Variants in OR7D4 observed in about 807,000 individuals in gnomAD.
OR7D4 encodes the protein olfactory receptor family 7 subfamily D member 4.
For synonymous variants in OR7D4, 154 were observed against 158.4 expected (o/e 0.97, Z 0.21); for missense variants, 319 against 377.1 (o/e 0.85, Z 1.27).
intron 1 of OR7D4, among the ~76,000 whole-genome samples, chr19:9,217,712 T>A (rs1424937442): frequency 1.3e-5 from 2 of 152,140 alleles, no homozygotes; most frequent in African/African-American, 4.8e-5. Flanking sequence ...CTAATTTTTT[T>A]ATTTTTAGTA....
At chr19:9,218,646 G>A (rs1437828962) in intron 1 of OR7D4, among the ~76,000 whole-genome samples, 1 of 151,730 alleles carries the variant, frequency 6.6e-6, no homozygotes, top group African/African-American at 2.4e-5. Flanking sequence ...TTTTTTTTGG[G>A]GGGGACATGG....
At position 9,214,433 on chromosome 19, in the gene OR7D4, G is replaced by T; in HGVS notation, c.405C>A (p.Ile135=). The change falls in exon 2 of 2, where the codon ATC becomes ATA. Residue 135 remains isoleucine, a synonymous_variant. Transcript: ENST00000641669. ...AICHPLHYTV[I]MNPCLCGLLV... ...GGAGGCCACAGAGGCAGGGGTTCAT[G>T]ATGACCGTGTAGTGCAGTGGGTGGC... 1 of 1,614,196 alleles carries T rather than the reference G, an allele frequency of 6.2e-7. No homozygotes were observed. Among genetic ancestry groups the T allele is most frequent in the Non-Finnish European group, 8.5e-7 (1 of 1,180,042 alleles).
At chr19:9,215,756 T>C (rs758603169) in intron 1 of OR7D4, among the ~76,000 whole-genome samples, 14 of 152,322 alleles carry the variant, frequency 9.2e-5, no homozygotes, top group Non-Finnish European at 1.5e-4. Context: ...TTTCCTTTTA[T>C]GATAATTACT....
rs2051182528 is a variant in OR7D4, at chr19:9,213,021, C to T, written c.*878G>A. 1 of 152,198 alleles carries T rather than the reference C, an allele frequency of 6.6e-6. No individual in the cohort carries two copies. Among genetic ancestry groups the T allele is most frequent in the East Asian group, 1.9e-4 (1 of 5,194 alleles). 9.4% of individuals were successfully genotyped at this position (152,198 alleles called of 1,614,324 possible). On this transcript the variant is annotated 3_prime_UTR_variant, in exon 2 of 2. Coordinates refer to ENST00000641669, the MANE Select transcript of OR7D4 (RefSeq NM_001005191.3). ...ACTCTACCTCCATCTCAGTCTCCTC[C>T]TTTGAGAAATGCAGTGAATGAGACA...
chr19:9,216,278 G>T (rs901079926), intron 1 of OR7D4, among the ~76,000 whole-genome samples: 5 of 152,234 alleles, frequency 3.3e-5, no homozygotes, highest in South Asian at 2.1e-4. Context: ...GGGTCTCCCT[G>T]GTTCATGTTC....
chr19:9,214,342 A>G lies in OR7D4; in HGVS notation c.496T>C (p.Leu166=), dbSNP rs116460228. Residue 166 remains leucine, a synonymous_variant, in exon 2 of 2, where the codon TTG becomes CTG. Transcript: ENST00000641669. The part of the protein sequence containing the change: ...SLVHILLMKR[L]TFSTGTEIPH... ...ATCTCAGTGCCTGTGGAGAAGGTCA[A>G]CCTCTTCATCAGTAGAATATGAACC... The G allele has an allele frequency of 2.6e-3, 4,249 of 1,614,004 alleles. 99 individuals are homozygous for G. The African/African-American group carries it at 0.047, about 18-fold the overall frequency.
At chr19:9,215,008 T>C in intron 1 of OR7D4, 158 bp from the exon 2 acceptor site, 1 of 589,028 alleles carries the variant, frequency 1.7e-6, no homozygotes, top group East Asian at 2.8e-5. Flanking sequence ...CTATTTTTAT[T>C]CTATTTGTGT....
chr19:9,214,544 G>A lies in OR7D4; in HGVS notation c.294C>T (p.Leu98=). The A allele has an allele frequency of 1.2e-6, 2 of 1,614,180 alleles. No individual in the cohort carries two copies. Among genetic ancestry groups the A allele is most frequent in the Non-Finnish European group, 1.7e-6 (2 of 1,180,026 alleles). Residue 98 remains leucine (L), a synonymous_variant, in exon 2 of 2, where the codon CTC becomes CTT. Transcript: ENST00000641669. ...ACATCATTAAAAAATACACCTGAGT[G>A]AGGCACCCCATGTAGGAGATGTCTT... is the stretch of plus-strand genomic sequence containing the variant. The part of the protein sequence containing the change: ...RSKDISYMGC[L]TQVYFLMMFA...
chr19:9,215,906 G>A (rs1333764962), intron 1 of OR7D4, among the ~76,000 whole-genome samples: 1 of 152,024 alleles, frequency 6.6e-6, no homozygotes, highest in African/African-American at 2.4e-5. Context: ...CTGAGACTGG[G>A]CAATTTACAA....
In OR7D4 at chr19:9,219,200, C is replaced by T. The variant is rs1003698227; in HGVS notation, c.-14G>A. 1.3e-5 allele frequency: 2 copies of T among 152,028 alleles called. No homozygotes were observed. Among genetic ancestry groups the T allele is most frequent in the Non-Finnish European group, 2.9e-5 (2 of 68,020 alleles). 9.4% of individuals were successfully genotyped at this position (152,028 alleles called of 1,614,324 possible). A position where few individuals can be genotyped will look rare whatever the true frequency, so the allele number is the denominator to read the frequency against. Reference sequence around the variant, plus strand: ...CACATTAGGAACACATAGACAATACCTTGAGCATAGTAGATCTTCCGTGAG... The same window carrying T: ...CACATTAGGAACACATAGACAATACTTTGAGCATAGTAGATCTTCCGTGAG... On this transcript the variant is annotated splice_region_variant and 5_prime_UTR_variant, in exon 1 of 2. Coordinates refer to ENST00000641669, the MANE Select transcript of OR7D4 (RefSeq NM_001005191.3).
chr19:9,218,142 T>G (rs1244704279), intron 1 of OR7D4, among the ~76,000 whole-genome samples: 6 of 152,350 alleles, frequency 3.9e-5, no homozygotes, highest in African/African-American at 1.4e-4. Flanking sequence ...ACATTACTGA[T>G]TCTGAGCAAG....
rs1274349808 is a variant in OR7D4 at position 9,211,051 on chromosome 19, T to C, written c.*2848A>G. ...ACCGGAAGGCAGAGGGAAATCTCCA[T>C]GGTCTTGGGTGCTTAGAGACCCATG... On this transcript the variant is annotated 3_prime_UTR_variant, in exon 2 of 2. Coordinates refer to ENST00000641669, the MANE Select transcript of OR7D4 (RefSeq NM_001005191.3). 6.6e-6 allele frequency: 1 copy of C among 152,276 alleles called. No individual in the cohort carries two copies. The highest frequency in any genetic ancestry group is 2.4e-5 in the African/African-American group (1 of 41,470). 9.4% of individuals were successfully genotyped at this position (152,276 alleles called of 1,614,324 possible). A position where few individuals can be genotyped will look rare whatever the true frequency, so the allele number is the denominator to read the frequency against.
At chr19:9,216,164 C>A (rs571891104) in intron 1 of OR7D4, among the ~76,000 whole-genome samples, 3 of 152,314 alleles carry the variant, frequency 2.0e-5, no homozygotes, top group South Asian at 4.1e-4. Context: ...TCCCATTACA[C>A]ATGGGAATTC....
At position 9,214,792 on chromosome 19, in the gene OR7D4, C is replaced by T. The variant is rs770597439; in HGVS notation, c.46G>A (p.Gly16Arg). ...TGCAGTTCAGGATCATCTGAGAGTC[C>T]CAGGAGGAGAAATTTTGATAATTCT... ...LTELSKFLLL[G>R]LSDDPELQPV... The change falls in exon 2 of 2, where the codon GGA (glycine) becomes AGA (arginine). Residue 16 changes from glycine to arginine, a missense_variant. Physicochemically the swap from Gly to Arg is moderately radical, Grantham distance 125. Coordinates refer to ENST00000641669, the MANE Select transcript of OR7D4 (RefSeq NM_001005191.3). The T allele has an allele frequency of 6.2e-7, 1 of 1,612,088 alleles. No homozygotes were observed. The highest frequency in any genetic ancestry group is 2.2e-5 in the East Asian group (1 of 44,860).
chr19:9,211,344 T>G lies in OR7D4; in HGVS notation c.*2555A>C, dbSNP rs2051171395. ...GTCTTGTTAGATATGGGGAAATGCTTAAGCAATATATAAAGTTACCAAGTT... is the reference window on the plus strand; with the variant it reads ...GTCTTGTTAGATATGGGGAAATGCTGAAGCAATATATAAAGTTACCAAGTT... On this transcript the variant is annotated 3_prime_UTR_variant, in exon 2 of 2. Transcript: ENST00000641669. The G allele has an allele frequency of 6.6e-6, 1 of 152,216 alleles. No individual in the cohort carries two copies. 9.4% of individuals were successfully genotyped at this position (152,216 alleles called of 1,614,324 possible). A position where few individuals can be genotyped will look rare whatever the true frequency, so the allele number is the denominator to read the frequency against.
At chr19:9,217,890 G>A (rs2051227090) in intron 1 of OR7D4, among the ~76,000 whole-genome samples, 1 of 152,112 alleles carries the variant, frequency 6.6e-6, no homozygotes, top group South Asian at 2.1e-4. Flanking sequence ...AATCTTCTAG[G>A]CTGACAGAAG....
intron 1 of OR7D4, among the ~76,000 whole-genome samples, chr19:9,216,126 A>G (rs757267124): frequency 6.6e-6 from 1 of 152,218 alleles, no homozygotes; most frequent in Non-Finnish European, 1.5e-5. Context: ...ACCTGTCTCC[A>G]TGATTCAATT....
Position 9,212,044 on chromosome 19 carries a change from A to T in OR7D4, c.*1855T>A, listed in dbSNP as rs927474002. The T allele has an allele frequency of 1.3e-5, 2 of 152,104 alleles. No homozygotes were observed. Among genetic ancestry groups the T allele is most frequent in the Non-Finnish European group, 2.9e-5 (2 of 68,048 alleles). 9.4% of individuals were successfully genotyped at this position (152,104 alleles called of 1,614,324 possible). On this transcript the variant is annotated 3_prime_UTR_variant, in exon 2 of 2. Transcript: ENST00000641669. ...CTTCTACTTTTATTTTTCTTTAAAA[A>T]TGTTTTAAAACATTTTTAATTTTTG...
At position 9,214,646 on chromosome 19, in the gene OR7D4, G is replaced by A. The variant is rs1261217178; in HGVS notation, c.192C>T (p.Ser64=). The A allele has an allele frequency of 6.2e-7, 1 of 1,614,166 alleles. No homozygotes were observed. The highest frequency in any genetic ancestry group is 2.2e-5 in the East Asian group (1 of 44,878). The change falls in exon 2 of 2, where the codon TCC becomes TCT. Residue 64 remains serine (S), a synonymous_variant. Coordinates refer to ENST00000641669, the MANE Select transcript of OR7D4 (RefSeq NM_001005191.3). The part of the protein sequence containing the change: ...HLHTPMYFFL[S]NLSFVDICFI... ...AACAGATGTCAACAAAGGACAGGTT[G>A]GAGAGGAAGAAGTACATGGGGGTGT... is the stretch of plus-strand genomic sequence containing the variant.
Sources: allele counts gnomAD v4.1 joint callset (sites outside exome capture counted in the v4.1 genomes callset), GRCh38; gene constraint gnomAD v4.1.1; transcripts MANE v1.5; gene names NCBI Gene and HGNC (gene_info 2026-07-23, HGNC 2026-07-21).